Variants in NTMT1 observed in about 807,000 individuals in gnomAD.
The protein encoded by NTMT1 is N-terminal RCC1 methyltransferase.
NTMT1 carries 8 observed loss-of-function variants against 17.5 expected under a neutral mutation model. That is an observed-to-expected ratio of 0.46 (90% CI 0.27 to 0.82). The LOEUF (loss-of-function observed/expected upper bound fraction) is 0.82, where lower values mean the gene tolerates loss of function less well. Among genes scored for constraint, NTMT1 ranks in the 40% least tolerant of loss-of-function variants. The pLI, the probability that NTMT1 is intolerant of heterozygous loss-of-function variation, is 0.15. For missense variants in NTMT1, 221 were observed against 303.5 expected (o/e 0.73, Z 2.02); for synonymous variants, 128 against 126.8 (o/e 1.01, Z -0.06).
At chr9:129,634,852 A>C (rs908913668) in intron 3 of NTMT1, 2 of 284,654 alleles carry the variant, frequency 7.0e-6, no homozygotes, top group Non-Finnish European at 6.7e-6. Flanking sequence ...TAGGGAAGGC[A>C]GTCTCTCTGG....
intron 1 of NTMT1, among the ~76,000 whole-genome samples, chr9:129,612,624 T>C (rs1830146346): frequency 6.6e-6 from 1 of 152,184 alleles, no homozygotes; most frequent in Non-Finnish European, 1.5e-5. Context: ...TCGCCTGTAA[T>C]CCCAGCAGTT....
intron 1 of NTMT1, among the ~76,000 whole-genome samples, chr9:129,627,372 T>C (rs531889815): frequency 2.6e-4 from 40 of 152,332 alleles, no homozygotes; most frequent in Middle Eastern, 3.4e-3. Flanking sequence ...ATACAGCTTC[T>C]GTGGCATTCT....
At chr9:129,623,618 A>T (rs1201347107), upstream of NTMT1, among the ~76,000 whole-genome samples, 3 of 152,190 alleles carry the variant, frequency 2.0e-5, no homozygotes, top group African/African-American at 7.2e-5. Flanking sequence ...TTCAAATAAC[A>T]GAGTGACTCA....
chr9:129,631,049 C>G (rs1052806690), intron 1 of NTMT1, among the ~76,000 whole-genome samples: 1 of 152,204 alleles, frequency 6.6e-6, no homozygotes, highest in Non-Finnish European at 1.5e-5. Flanking sequence ...AGTCTTCCCC[C>G]GCTCCACTCT....
intron 1 of NTMT1, among the ~76,000 whole-genome samples, chr9:129,612,847 A>G (rs184889697): frequency 1.3e-3 from 200 of 152,108 alleles, no homozygotes; most frequent in African/African-American, 4.0e-3. Flanking sequence ...CAAAGAGAGG[A>G]GAGGGGAGGG....
rs1830253536 is a variant in NTMT1 at position 129,614,487 on chromosome 9, C to T, written c.-55+5309C>T. ...GCTAGAGGACATTGACTGTTGGGGA[C>T]CCTGGGGGCTGCTGGATCCTGAGAA... is the stretch of plus-strand genomic sequence containing the variant. On this transcript the variant is annotated intron_variant, in intron 1 of 3. Coordinates refer to the NTMT1 transcript ENST00000372486. The surrounding 1 kb of genome is among the most constrained non-coding windows in gnomAD (Gnocchi z 4.4). Among the ~76,000 whole-genome samples the T allele has an allele frequency of 6.6e-6, 1 of 152,152 alleles. No homozygotes were observed. Among genetic ancestry groups the T allele is most frequent in the African/African-American group, 2.4e-5 (1 of 41,430 alleles).
chr9:129,627,171 G>A (rs1305067326), intron 1 of NTMT1, among the ~76,000 whole-genome samples: 2 of 152,204 alleles, frequency 1.3e-5, no homozygotes, highest in Non-Finnish European at 2.9e-5. Flanking sequence ...GGGGTTGGAA[G>A]GATGCATGGA....
intron 1 of NTMT1, among the ~76,000 whole-genome samples, chr9:129,610,201 G>GGGGAGGAGGGA (rs1358695564): frequency 4.8e-5 from 6 of 124,270 alleles, no homozygotes; most frequent in Non-Finnish European, 1.1e-4. Flanking sequence ...GGGAGGAGGG[G>GGGGAGGAGGGA]GGGAGGAGGG....
chr9:129,622,595 G>A (rs1397018806), upstream of NTMT1, among the ~76,000 whole-genome samples: 1 of 152,168 alleles, frequency 6.6e-6, no homozygotes, highest in Non-Finnish European at 1.5e-5. Context: ...AGAAATGTGT[G>A]TGTATACTAT....
At chr9:129,622,258 C>T (rs1416307248), upstream of NTMT1, among the ~76,000 whole-genome samples, 2 of 152,160 alleles carry the variant, frequency 1.3e-5, no homozygotes, top group East Asian at 3.9e-4. Flanking sequence ...TTTGGGAGGC[C>T]GAGGCGGGCG....
intron 3 of NTMT1, 183 bp downstream of exon 3, chr9:129,634,489 G>A (rs943099856): frequency 1.9e-6 from 1 of 517,316 alleles, no homozygotes; most frequent in Non-Finnish European, 3.0e-6. Context: ...CGGCCTAAAA[G>A]GTAGATTTCT....
In NTMT1 at chr9:129,635,212, C is replaced by T. The variant is rs1231639420; in HGVS notation, c.420C>T (p.His140=). Residue 140 remains histidine (H), a synonymous_variant, in exon 4 of 4, where the codon CAC becomes CAT. Transcript: ENST00000372483. ...DVIWIQWVIG[H]LTDQHLAEFL... ...CCTTGCCTCTGCCCTCCCCAGGCCA[C>T]CTCACCGATCAGCACCTGGCCGAGT... The T allele has an allele frequency of 3.7e-6, 6 of 1,608,096 alleles. No individual in the cohort carries two copies. Among genetic ancestry groups the T allele is most frequent in the Admixed American group, 1.7e-5 (1 of 59,992 alleles).
At chr9:129,615,004 C>T (rs1174535029) in intron 1 of NTMT1, among the ~76,000 whole-genome samples, 1 of 152,252 alleles carries the variant, frequency 6.6e-6, no homozygotes, top group Non-Finnish European at 1.5e-5. Context: ...CCTGGCAGTG[C>T]CAACTGTCTC....
At chr9:129,618,520 GA>G (rs1830502477) in intron 1 of NTMT1, among the ~76,000 whole-genome samples, 1 of 152,038 alleles carries the variant, frequency 6.6e-6, no homozygotes. Flanking sequence ...TGCGTGGCTG[GA>G]TGATTATGTA....
chr9:129,612,176 C>A, intron 1 of NTMT1: 1 of 608,670 alleles, frequency 1.6e-6, no homozygotes. Context: ...TCTCCATCCC[C>A]TTCCTTCCAG....
chr9:129,631,275 T>A (rs1189540438), intron 1 of NTMT1, among the ~76,000 whole-genome samples: 1 of 152,238 alleles, frequency 6.6e-6, no homozygotes, highest in Non-Finnish European at 1.5e-5. Context: ...TTTCTTTCCC[T>A]TTGTTCTTTG....
At chr9:129,609,636 A>G (rs973139576) in intron 1 of NTMT1, among the ~76,000 whole-genome samples, 3 of 133,512 alleles carry the variant, frequency 2.2e-5, no homozygotes, top group Admixed American at 8.1e-5. Context: ...GAGGCCCCCA[A>G]TCTGGGGTCT....
Position 129,614,334 on chromosome 9 carries a change from C to A in NTMT1, c.-55+5156C>A, listed in dbSNP as rs1830240983. On this transcript the variant is annotated intron_variant, in intron 1 of 3. Transcript: ENST00000372486. The surrounding 1 kb of genome is among the most constrained non-coding windows in gnomAD (Gnocchi z 4.4). Reference sequence around the variant, plus strand: ...ACAGCTTCTAACTCCAGCTTCCTGTCACGCTAAGGAGGCTGCGTCAGATCC... The same window carrying A: ...ACAGCTTCTAACTCCAGCTTCCTGTAACGCTAAGGAGGCTGCGTCAGATCC... 3.9e-5 allele frequency among the ~76,000 whole-genome samples: 6 copies of A among 152,222 alleles called. No homozygotes were observed. In the South Asian group the frequency reaches 1.2e-3, roughly 32 times the overall value.
chr9:129,610,742 G>T (rs1277770767), intron 1 of NTMT1, among the ~76,000 whole-genome samples: 1 of 152,108 alleles, frequency 6.6e-6, no homozygotes, highest in African/African-American at 2.4e-5. Flanking sequence ...TGCAGCCGGC[G>T]CAGGGGCCGG....
Sources: gnomAD v4.1 joint callset for allele counts (sites outside exome capture counted in the v4.1 genomes callset) on GRCh38, gnomAD v4.1.1 for gene constraint, Gnocchi (gnomAD v3.1) non-coding constraint, MANE v1.5 for transcripts, NCBI Gene and HGNC (gene_info 2026-07-23, HGNC 2026-07-21) for gene names.